Variants in PGCKA1 observed in about 807,000 individuals in gnomAD.
PGCKA1 encodes PDCD10 and GCKIII kinases-associated protein 1.
At chr4:37,517,118 G>A in the PGCKA1 span, among the ~76,000 whole-genome samples, 15 of 152,010 alleles carry the variant, frequency 9.9e-5, no homozygotes, top group East Asian at 2.5e-3. Context: ...AGGCATGGTG[G>A]CAGGCACCTG....
At chr4:37,465,849 T>C in the PGCKA1 span, among the ~76,000 whole-genome samples, 1 of 152,132 alleles carries the variant, frequency 6.6e-6, no homozygotes, top group Non-Finnish European at 1.5e-5. Context: ...TCTTTTGGTT[T>C]CTCCAACTGT....
chr4:37,470,107 A>T, the PGCKA1 span, among the ~76,000 whole-genome samples: 2 of 152,356 alleles, frequency 1.3e-5, no homozygotes, highest in East Asian at 3.9e-4. Context: ...GTTAGAACAT[A>T]GCATCTGTAG....
chr4:37,495,231 T>C, the PGCKA1 span, among the ~76,000 whole-genome samples: 1 of 152,040 alleles, frequency 6.6e-6, no homozygotes, highest in Non-Finnish European at 1.5e-5. Flanking sequence ...AGTCAGGAAA[T>C]AACAGAAGCT....
the PGCKA1 span, among the ~76,000 whole-genome samples, chr4:37,458,168 A>G: frequency 6.6e-6 from 1 of 152,216 alleles, no homozygotes; most frequent in Admixed American, 6.5e-5. Flanking sequence ...TGATTTGTCC[A>G]AAGTCATACA....
chr4:37,466,884 G>A, the PGCKA1 span, among the ~76,000 whole-genome samples: 1 of 152,194 alleles, frequency 6.6e-6, no homozygotes, highest in Non-Finnish European at 1.5e-5. Context: ...GATCACCTGA[G>A]TTCAGAAGTT....
chr4:37,470,644 CA>C, the PGCKA1 span, among the ~76,000 whole-genome samples: 1 of 152,162 alleles, frequency 6.6e-6, no homozygotes, highest in African/African-American at 2.4e-5. Context: ...TCAGAAGCTT[CA>C]AAAGTGTGAA....
the PGCKA1 span, among the ~76,000 whole-genome samples, chr4:37,498,291 A>T: frequency 6.6e-6 from 1 of 152,198 alleles, no homozygotes; most frequent in Non-Finnish European, 1.5e-5. Flanking sequence ...TACCAGTACC[A>T]TGCTGTTTTG....
chr4:37,499,830 G>T, the PGCKA1 span, among the ~76,000 whole-genome samples: 1 of 146,300 alleles, frequency 6.8e-6, no homozygotes, highest in East Asian at 2.0e-4. Flanking sequence ...GTTATTTCTT[G>T]TCTTCTGCTA....
At chr4:37,544,963 C>T in the PGCKA1 span, among the ~76,000 whole-genome samples, 1 of 151,758 alleles carries the variant, frequency 6.6e-6, no homozygotes, top group Non-Finnish European at 1.5e-5. Flanking sequence ...TCAAGTGATT[C>T]TCCTGCCTCA....
the PGCKA1 span, among the ~76,000 whole-genome samples, chr4:37,587,882 T>C: frequency 6.6e-6 from 1 of 151,990 alleles, no homozygotes; most frequent in East Asian, 1.9e-4. Flanking sequence ...GGCAGGAGAA[T>C]CGCTTGAACC....
the PGCKA1 span, among the ~76,000 whole-genome samples, chr4:37,488,479 G>T: frequency 6.6e-6 from 1 of 152,150 alleles, no homozygotes. Flanking sequence ...TTGGATATTG[G>T]AACACTGCTA....
chr4:37,567,758 A>G, the PGCKA1 span, among the ~76,000 whole-genome samples: 6 of 152,296 alleles, frequency 3.9e-5, no homozygotes, highest in African/African-American at 7.2e-5. Flanking sequence ...TGCCTGGTGC[A>G]TACCAAGACC....
At chr4:37,467,193 A>G in the PGCKA1 span, among the ~76,000 whole-genome samples, 410 of 152,328 alleles carry the variant, frequency 2.7e-3, 2 homozygotes, top group African/African-American at 9.4e-3. Context: ...TATTCAGGAT[A>G]TAGTCTTAAG....
the PGCKA1 span, among the ~76,000 whole-genome samples, chr4:37,525,640 A>G: frequency 2.6e-5 from 4 of 152,156 alleles, no homozygotes; most frequent in Non-Finnish European, 1.5e-5. Context: ...ATATTCCCCA[A>G]TAGGATTCTA....
the PGCKA1 span, among the ~76,000 whole-genome samples, chr4:37,546,252 G>GA: frequency 1.3e-5 from 2 of 151,916 alleles, no homozygotes; most frequent in African/African-American, 2.4e-5. Flanking sequence ...CCTGTTTTAA[G>GA]AAAAAAAACA....
chr4:37,554,205 G>A, the PGCKA1 span, among the ~76,000 whole-genome samples: 2 of 152,104 alleles, frequency 1.3e-5, no homozygotes, highest in Non-Finnish European at 2.9e-5. Context: ...TTCACCATCC[G>A]CCATGATTGT....
At chr4:37,502,829 T>G in the PGCKA1 span, among the ~76,000 whole-genome samples, 12 of 151,978 alleles carry the variant, frequency 7.9e-5, no homozygotes, top group Non-Finnish European at 1.8e-4. Flanking sequence ...GGAGCTATGA[T>G]GCGGCACCCT....
chr4:37,583,173 T>A, the PGCKA1 span, among the ~76,000 whole-genome samples: 339 of 152,384 alleles, frequency 2.2e-3, 1 homozygote, highest in African/African-American at 7.8e-3. Context: ...AGTGGATTCC[T>A]GTGTCCTTTT....
At chr4:37,583,447 T>TTTTTG in the PGCKA1 span, among the ~76,000 whole-genome samples, 1 of 149,354 alleles carries the variant, frequency 6.7e-6, no homozygotes, top group South Asian at 2.2e-4. Context: ...TTTTGTTTTT[T>TTTTTG]TTTTTTTGAG....
Sources: gnomAD v4.1 joint callset for allele counts (sites outside exome capture counted in the v4.1 genomes callset) on GRCh38, gnomAD v4.1.1 for gene constraint, MANE v1.5 for transcripts, NCBI Gene and HGNC (gene_info 2026-07-23, HGNC 2026-07-21) for gene names.